Variants in CLMN observed in about 807,000 individuals in gnomAD.
The protein encoded by CLMN is calmin.
A neutral mutation model predicts 92.7 loss-of-function variants in CLMN; 57 were observed. The ratio of observed to expected loss-of-function variants is 0.61; its 90% CI spans 0.50 to 0.77. The LOEUF (loss-of-function observed/expected upper bound fraction) is 0.77. CLMN is among the 30% of genes least tolerant of loss of function. CLMN has a pLI of 0.00. For synonymous variants in CLMN, 466 were observed against 470.6 expected, an observed-to-expected ratio of 0.99 and a Z score of 0.13; for missense variants, 1,158 against 1,237.5, an observed-to-expected ratio of 0.94 and a Z score of 0.96.
chr14:95,308,190 G>A (rs1901368135), intron 1 of CLMN, among the ~76,000 whole-genome samples: 1 of 152,222 alleles, frequency 6.6e-6, no homozygotes, highest in Admixed American at 6.5e-5. Context: ...CAGTCAAGAA[G>A]TCAGCCTTTA....
chr14:95,318,853 T>C (rs1901912232), intron 1 of CLMN, among the ~76,000 whole-genome samples: 1 of 152,212 alleles, frequency 6.6e-6, no homozygotes, highest in Non-Finnish European at 1.5e-5. Context: ...GTGGATAGGT[T>C]GTGGAGGGGA....
At chr14:95,195,623 G>A (rs897618909) in intron 10 of CLMN, among the ~76,000 whole-genome samples, 3 of 152,232 alleles carry the variant, frequency 2.0e-5, no homozygotes, top group African/African-American at 7.2e-5. Flanking sequence ...TGTGGAGTGG[G>A]ACACATCTGA....
chr14:95,232,768 A>G (rs1365492229), intron 1 of CLMN, among the ~76,000 whole-genome samples: 2 of 152,214 alleles, frequency 1.3e-5, no homozygotes, highest in East Asian at 3.8e-4. Flanking sequence ...CCCAAGCTCT[A>G]TCGGAGATCC....
chr14:95,290,142 G>A (rs1900506915), intron 1 of CLMN, among the ~76,000 whole-genome samples: 1 of 152,202 alleles, frequency 6.6e-6, no homozygotes, highest in Non-Finnish European at 1.5e-5. Context: ...GTTGACACCT[G>A]CAGAGCCCTT....
At chr14:95,201,288 C>G (rs1229686673) in intron 9 of CLMN, among the ~76,000 whole-genome samples, 1 of 151,280 alleles carries the variant, frequency 6.6e-6, no homozygotes, top group Non-Finnish European at 1.5e-5. Context: ...AATTATCTTC[C>G]AACCCCCCAA....
At chr14:95,231,191 A>G (rs1042419310) in intron 1 of CLMN, among the ~76,000 whole-genome samples, 1 of 148,370 alleles carries the variant, frequency 6.7e-6, no homozygotes, top group Non-Finnish European at 1.5e-5. Context: ...TAAATCCTCT[A>G]ACTTTTTTTT....
In CLMN at chr14:95,292,428, TCCCCCACCCCCA is replaced by T. The variant is rs61159767; in HGVS notation, c.82+27271_82+27282del. On this transcript the variant is annotated intron_variant, in intron 1 of 12. Coordinates refer to ENST00000298912, the MANE Select transcript of CLMN (RefSeq NM_024734.4). ...AGTAATGAGATCTGCCCCCCAAGGG[TCCCCCACCCCCA>T]CCCCCACCCCCACCTCCACCCCCTG... Among the ~76,000 whole-genome samples, 7 of 74,120 alleles carry T rather than the reference TCCCCCACCCCCA, an allele frequency of 9.4e-5. 1 individual carries two copies. The highest frequency in any genetic ancestry group is 7.7e-4 in the South Asian group (1 of 1,300). 48.6% of individuals were successfully genotyped at this position (74,120 alleles called of 152,430 possible).
At chr14:95,273,411 GAGA>G (rs908312656) in intron 1 of CLMN, among the ~76,000 whole-genome samples, 11 of 152,234 alleles carry the variant, frequency 7.2e-5, no homozygotes, top group African/African-American at 2.7e-4. Flanking sequence ...TCCTCACAGG[GAGA>G]AGAAGGAGAA....
At chr14:95,197,842 G>A (rs978549775) in intron 9 of CLMN, among the ~76,000 whole-genome samples, 12 of 147,520 alleles carry the variant, frequency 8.1e-5, no homozygotes, top group Admixed American at 8.0e-4. Flanking sequence ...TGTGCCCCGG[G>A]AGAACAAAGC....
intron 1 of CLMN, among the ~76,000 whole-genome samples, chr14:95,267,097 C>T (rs993364969): frequency 1.3e-5 from 2 of 152,122 alleles, no homozygotes; most frequent in African/African-American, 4.8e-5. Context: ...TGAGGAAATG[C>T]TCCAGGACAT....
In CLMN at chr14:95,194,429, G is replaced by A; in HGVS notation, c.2769+107C>T. 1.1e-5 allele frequency: 17 copies of A among 1,585,022 alleles called. No homozygotes were observed. In the South Asian group the frequency reaches 1.7e-4, roughly 16 times the overall value. ...TGCTTGTCTTCTATCCAAAAGTATA[G>A]CTGTTGCATGCCAGTAATTTCAAAG... On this transcript the variant is annotated intron_variant, in intron 11 of 12. Transcript: ENST00000298912. This position sits in a 1 kb window ranked among gnomAD's most constrained non-coding sequence, Gnocchi z 4.0.
chr14:95,275,374 G>T (rs1331608959), intron 1 of CLMN, among the ~76,000 whole-genome samples: 1 of 152,160 alleles, frequency 6.6e-6, no homozygotes, highest in African/African-American at 2.4e-5. Flanking sequence ...CAATGAAAGT[G>T]ACCTTTGGCC....
At chr14:95,196,474 G>A (rs754809237) in intron 10 of CLMN, 24 bp downstream of exon 10, 1 of 1,598,544 alleles carries the variant, frequency 6.3e-7, no homozygotes, top group Non-Finnish European at 8.5e-7. Flanking sequence ...CCACCTTACG[G>A]GTGAAAAGAG....
intron 1 of CLMN, among the ~76,000 whole-genome samples, chr14:95,290,014 A>T (rs1188016268): frequency 6.6e-6 from 1 of 152,220 alleles, no homozygotes; most frequent in African/African-American, 2.4e-5. Context: ...CAAAGTGTCC[A>T]TTCTTTGGGG....
chr14:95,261,228 G>A (rs1461528713), intron 1 of CLMN, among the ~76,000 whole-genome samples: 1 of 150,020 alleles, frequency 6.7e-6, no homozygotes, highest in African/African-American at 2.5e-5. Context: ...AGTAAGCTGT[G>A]GAAAGGACAC....
intron 1 of CLMN, among the ~76,000 whole-genome samples, chr14:95,303,603 G>A (rs543827870): frequency 6.6e-6 from 1 of 152,338 alleles, no homozygotes; most frequent in African/African-American, 2.4e-5. Context: ...CATTAGGTGT[G>A]ACCAATGCCT....
In CLMN at chr14:95,221,726, T is replaced by C. The variant is rs141656398; in HGVS notation, c.289A>G (p.Ile97Val). The C allele has an allele frequency of 6.8e-6, 11 of 1,614,236 alleles. No individual in the cohort carries two copies. Among genetic ancestry groups the C allele is most frequent in the East Asian group, 2.2e-5 (1 of 44,894 alleles). The change falls in exon 4 of 13, where the codon ATA becomes GTA. Residue 97 changes from isoleucine (I) to valine (V), a missense_variant. Transcript: ENST00000298912. ...SSHRIFRLNN[I>V]AKALKFLEDS... is the part of the protein sequence containing the mutation. ...TCCAAAAACTTAAGTGCTTTCGCTATGTTGTTCAACCGAAAAATACGATGC... is the reference window on the plus strand; with the variant it reads ...TCCAAAAACTTAAGTGCTTTCGCTACGTTGTTCAACCGAAAAATACGATGC...
At chr14:95,228,376 G>A (rs1436425581) in intron 2 of CLMN, among the ~76,000 whole-genome samples, 1 of 152,210 alleles carries the variant, frequency 6.6e-6, no homozygotes, top group East Asian at 1.9e-4. Context: ...ACTGGTTGAT[G>A]ATTTATAAGC....
intron 1 of CLMN, among the ~76,000 whole-genome samples, chr14:95,286,313 G>A (rs1180259151): frequency 6.6e-6 from 1 of 152,152 alleles, no homozygotes; most frequent in African/African-American, 2.4e-5. Flanking sequence ...CCATAAAGAG[G>A]AATAAAGCAT....
Sources: gnomAD v4.1 joint callset for allele counts (sites outside exome capture counted in the v4.1 genomes callset) on GRCh38, gnomAD v4.1.1 for gene constraint, Gnocchi (gnomAD v3.1) non-coding constraint, MANE v1.5 for transcripts, NCBI Gene and HGNC (gene_info 2026-07-23, HGNC 2026-07-21) for gene names.